CCDC171: variants seen among roughly 807,000 people sequenced by gnomAD.
CCDC171 encodes coiled-coil domain containing 171.
Under a neutral mutation model 168.2 loss-of-function variants are expected in CCDC171, and 177 were observed. The ratio of observed to expected loss-of-function variants is 1.05; its 90% CI spans 0.93 to 1.19. The LOEUF (loss-of-function observed/expected upper bound fraction) is 1.19, where lower values mean the gene tolerates loss of function less well. Among genes scored for constraint, CCDC171 ranks in the 50% most tolerant of loss-of-function variants. The probability of loss-of-function intolerance (pLI) is 0.00; values close to 1 mark genes in which losing one functional copy is unlikely to be tolerated. For missense variants in CCDC171, 1,991 were observed against 1,539.0 expected, an observed-to-expected ratio of 1.29 and a Z score of -4.91; for synonymous variants, 687 against 540.8, an observed-to-expected ratio of 1.27 and a Z score of -3.75.
At chr9:16,089,833 C>T in the CCDC171 span, among the ~76,000 whole-genome samples, 2 of 152,022 alleles carry the variant, frequency 1.3e-5, no homozygotes, top group African/African-American at 2.4e-5. Flanking sequence ...AGCTTAACAC[C>T]ACTGGTCACT....
chr9:15,592,672 T>C (rs373834795), intron 5 of CCDC171, among the ~76,000 whole-genome samples: 25 of 152,034 alleles, frequency 1.6e-4, no homozygotes, highest in African/African-American at 5.8e-4. Context: ...GTAACTGATA[T>C]TACAAGTCCT....
At chr9:15,889,968 A>G (rs1285982668) in intron 24 of CCDC171, among the ~76,000 whole-genome samples, 2 of 152,170 alleles carry the variant, frequency 1.3e-5, no homozygotes, top group African/African-American at 4.8e-5. Context: ...TTCTCTGCTT[A>G]TTCTAGAGAG....
rs141779247 is a variant in CCDC171, at chr9:15,829,685, C to T, written c.3268-17017C>T. On this transcript the variant is annotated intron_variant, in intron 21 of 25. Transcript: ENST00000380701. Reference sequence around the variant, plus strand: ...CTGTAATCCCAGCACTTTGGGAGGCCGAAGTGGGAGGATTGCTTGAGCCCA... The same window carrying T: ...CTGTAATCCCAGCACTTTGGGAGGCTGAAGTGGGAGGATTGCTTGAGCCCA... Among the ~76,000 whole-genome samples, 8 of 152,098 alleles carry T rather than the reference C, an allele frequency of 5.3e-5. No individual in the cohort carries two copies. In the East Asian group the frequency reaches 1.2e-3, roughly 22 times the overall value.
chr9:15,659,688 A>C (rs1276033600), intron 8 of CCDC171, among the ~76,000 whole-genome samples: 1 of 152,210 alleles, frequency 6.6e-6, no homozygotes, highest in Non-Finnish European at 1.5e-5. Flanking sequence ...GGCTTTAGCA[A>C]GTTTGAAAAT....
chr9:15,782,859 C>A (rs2057736906), intron 20 of CCDC171, among the ~76,000 whole-genome samples: 1 of 152,112 alleles, frequency 6.6e-6, no homozygotes, highest in Non-Finnish European at 1.5e-5. Context: ...TCTGTATAAT[C>A]CCAGCACTAT....
chr9:15,777,602 C>A lies in CCDC171; in HGVS notation c.2674C>A (p.Pro892Thr). Reference protein sequence around the residue: ...ELQDVIGKADPNSRICGHLLI... With the variant: ...ELQDVIGKADTNSRICGHLLI... ...CCTTTTTTTCTTTTTCTTTGAAGAT[C>A]CAAATTCCAGAATTTGTGGACATTT... The change falls in exon 19 of 26, where the codon CCA becomes ACA. Residue 892 changes from proline (P) to threonine (T), a missense_variant and splice_region_variant. Physicochemically the swap from Pro to Thr is conservative, Grantham distance 38. Coordinates refer to ENST00000380701, the MANE Select transcript of CCDC171 (RefSeq NM_173550.4). The A allele has an allele frequency of 6.3e-7, 1 of 1,597,632 alleles. No homozygotes were observed. The highest frequency in any genetic ancestry group is 8.5e-7 in the Non-Finnish European group (1 of 1,173,690).
At chr9:15,911,739 G>A (rs1341946748) in intron 24 of CCDC171, among the ~76,000 whole-genome samples, 2 of 152,102 alleles carry the variant, frequency 1.3e-5, no homozygotes, top group African/African-American at 4.8e-5. Context: ...TGTAAGGAAG[G>A]GGGTCCAGTT....
At chr9:16,055,610 C>A (rs948542063) in intron 1 of CCDC171, among the ~76,000 whole-genome samples, 2 of 152,208 alleles carry the variant, frequency 1.3e-5, no homozygotes, top group African/African-American at 4.8e-5. Context: ...GGGCATAATC[C>A]TTCTGCGTTA....
intron 7 of CCDC171, among the ~76,000 whole-genome samples, chr9:15,638,440 T>C (rs547414963): frequency 6.6e-6 from 1 of 152,130 alleles, no homozygotes; most frequent in East Asian, 1.9e-4. Flanking sequence ...TAATTGTTAG[T>C]GGTATTTTTA....
At chr9:15,883,021 C>T (rs1489305547) in intron 24 of CCDC171, 2 of 270,924 alleles carry the variant, frequency 7.4e-6, no homozygotes, top group Non-Finnish European at 7.2e-6. Context: ...TTCCTTCCTC[C>T]CCTCCCCTCC....
At chr9:15,767,263 G>A (rs894638754) in intron 18 of CCDC171, among the ~76,000 whole-genome samples, 1 of 152,232 alleles carries the variant, frequency 6.6e-6, no homozygotes, top group African/African-American at 2.4e-5. Context: ...TATTCCTTCC[G>A]GAGGCTGTAA....
chr9:15,915,518 G>C (rs1300848142), intron 24 of CCDC171, among the ~76,000 whole-genome samples: 3 of 152,006 alleles, frequency 2.0e-5, no homozygotes, highest in Non-Finnish European at 2.9e-5. Context: ...TTTTTGGTGG[G>C]TTCTTTAGGA....
chr9:15,679,457 C>T (rs929285392), intron 10 of CCDC171, among the ~76,000 whole-genome samples: 2 of 152,134 alleles, frequency 1.3e-5, no homozygotes, highest in Non-Finnish European at 2.9e-5. Flanking sequence ...TTCCTTTTGT[C>T]TTCATATTAA....
intron 18 of CCDC171, among the ~76,000 whole-genome samples, 187 bp from the exon 19 acceptor site, chr9:15,777,413 G>A (rs1365138257): frequency 6.6e-6 from 1 of 152,070 alleles, no homozygotes; most frequent in Admixed American, 6.6e-5. Flanking sequence ...TCTTTAGTAG[G>A]TGAGCTATTC....
At chr9:16,067,723 C>T in the CCDC171 span, among the ~76,000 whole-genome samples, 1 of 152,158 alleles carries the variant, frequency 6.6e-6, no homozygotes, top group East Asian at 1.9e-4. Flanking sequence ...ATAGGGAATC[C>T]TTTCCCCATT....
chr9:15,820,645 T>A (rs2059733958), intron 21 of CCDC171, among the ~76,000 whole-genome samples: 1 of 117,212 alleles, frequency 8.5e-6, no homozygotes. Context: ...CAGGAAGAAT[T>A]TGAATCTCTG....
intron 21 of CCDC171, among the ~76,000 whole-genome samples, chr9:15,787,974 T>G (rs142385790): frequency 6.6e-6 from 1 of 152,316 alleles, no homozygotes; most frequent in African/African-American, 2.4e-5. Context: ...TTTTGAAGTC[T>G]TTTTCTCTGT....
chr9:15,671,777 G>C (rs1294944837), intron 9 of CCDC171, among the ~76,000 whole-genome samples: 10 of 152,080 alleles, frequency 6.6e-5, no homozygotes, highest in Non-Finnish European at 1.2e-4. Flanking sequence ...ATTTGAGTTG[G>C]TTCCAAGTCT....
At chr9:15,915,332 T>A (rs529999771) in intron 24 of CCDC171, among the ~76,000 whole-genome samples, 1 of 149,608 alleles carries the variant, frequency 6.7e-6, no homozygotes, top group African/African-American at 2.4e-5. Context: ...TACTTATAGA[T>A]CTTTCCGTCT....
Sources: allele counts gnomAD v4.1 joint callset (sites outside exome capture counted in the v4.1 genomes callset), GRCh38; gene constraint gnomAD v4.1.1; transcripts MANE v1.5; gene names NCBI Gene and HGNC (gene_info 2026-07-23, HGNC 2026-07-21).